ADAMTS18: variants seen among roughly 807,000 people sequenced by gnomAD.
The protein encoded by ADAMTS18 is ADAM metallopeptidase with thrombospondin type 1 motif 18.
Under a neutral mutation model 165.9 loss-of-function variants are expected in ADAMTS18, and 157 were observed. The observed-to-expected ratio is 0.95, with a 90% CI of 0.83 to 1.08. The LOEUF is 1.08. Ranked by LOEUF, ADAMTS18 falls within the 50% of genes least tolerant of loss-of-function variation. The pLI, the probability that ADAMTS18 is intolerant of heterozygous loss-of-function variation, is 0.00. For missense variants in ADAMTS18, 2,040 were observed against 1,534.0 expected (o/e 1.33, Z -5.51); for synonymous variants, 782 against 578.2 (o/e 1.35, Z -5.06).
intron 3 of ADAMTS18, among the ~76,000 whole-genome samples, chr16:77,415,258 G>C (rs2144836744): frequency 6.6e-6 from 1 of 152,286 alleles, no homozygotes; most frequent in East Asian, 1.9e-4. Context: ...ATGAGACTAG[G>C]AGCTCTTTGC....
At chr16:77,421,763 T>C (rs1428709966) in intron 3 of ADAMTS18, among the ~76,000 whole-genome samples, 2 of 152,186 alleles carry the variant, frequency 1.3e-5, no homozygotes, top group Non-Finnish European at 2.9e-5. Flanking sequence ...TCTCTCTCCC[T>C]ACCCTCCTCA....
intron 9 of ADAMTS18, 123 bp downstream of exon 9, chr16:77,355,817 T>C: frequency 8.6e-7 from 1 of 1,165,282 alleles, no homozygotes; most frequent in Non-Finnish European, 1.3e-6. Context: ...TCATCATCAT[T>C]TGTCTTTCTG....
At chr16:77,381,950 G>A (rs987741952) in intron 3 of ADAMTS18, among the ~76,000 whole-genome samples, 1 of 152,158 alleles carries the variant, frequency 6.6e-6, no homozygotes, top group African/African-American at 2.4e-5. Context: ...TCTCTGGAAT[G>A]TGTCCTTACT....
At chr16:77,413,636 G>C (rs2057493029) in intron 3 of ADAMTS18, among the ~76,000 whole-genome samples, 1 of 151,962 alleles carries the variant, frequency 6.6e-6, no homozygotes, top group Non-Finnish European at 1.5e-5. Flanking sequence ...CCTGACCATG[G>C]ATATTTTTAA....
intron 11 of ADAMTS18, among the ~76,000 whole-genome samples, chr16:77,336,865 C>G (rs2056318876): frequency 6.6e-6 from 1 of 152,232 alleles, no homozygotes; most frequent in African/African-American, 2.4e-5. Flanking sequence ...CTTAGCATAA[C>G]TGCTCTTTTC....
chr16:77,304,097 G>A (rs185274406), intron 16 of ADAMTS18, among the ~76,000 whole-genome samples: 1 of 152,160 alleles, frequency 6.6e-6, no homozygotes, highest in East Asian at 1.9e-4. Context: ...GGTGGGGGAG[G>A]AAATCACATT....
At chr16:77,359,215 T>C in intron 8 of ADAMTS18, 103 bp downstream of exon 8, 2 of 989,070 alleles carry the variant, frequency 2.0e-6, no homozygotes, top group Admixed American at 4.0e-5. Context: ...TACACAAGAC[T>C]GATCCTCTTT....
At chr16:77,386,725 T>C (rs959343701) in intron 3 of ADAMTS18, among the ~76,000 whole-genome samples, 1 of 152,172 alleles carries the variant, frequency 6.6e-6, no homozygotes, top group Non-Finnish European at 1.5e-5. Context: ...TTTTTCCTTC[T>C]CTTATAGCTG....
Position 77,359,353 on chromosome 16 carries a change from G to A in ADAMTS18, c.1287C>T (p.Gly429=), listed in dbSNP as rs760681596. The A allele has an allele frequency of 1.2e-6, 2 of 1,614,068 alleles. No individual in the cohort carries two copies. The highest frequency in any genetic ancestry group is 1.7e-6 in the Non-Finnish European group (2 of 1,180,018). Residue 429 remains glycine, a synonymous_variant, in exon 8 of 23, where the codon GGC becomes GGT. Transcript: ENST00000282849. ...SCTINEDTGL[G]LAFTIAHESG... is the part of the protein sequence containing the mutation. ...ACTCATGAGCGATGGTGAAGGCAAG[G>A]CCAAGTCCTGTGTCCTCATTGATGG...
At chr16:77,332,564 G>T (rs2056207194) in intron 12 of ADAMTS18, among the ~76,000 whole-genome samples, 1 of 152,150 alleles carries the variant, frequency 6.6e-6, no homozygotes, top group South Asian at 2.1e-4. Flanking sequence ...AAGCCACAGA[G>T]TTTAGAAGTG....
chr16:77,306,002 G>A (rs1191972572), intron 16 of ADAMTS18, among the ~76,000 whole-genome samples: 2 of 152,146 alleles, frequency 1.3e-5, no homozygotes, highest in Non-Finnish European at 2.9e-5. Flanking sequence ...GGGTACAGGA[G>A]CACCGCATCC....
At chr16:77,384,457 G>A (rs987751144) in intron 3 of ADAMTS18, among the ~76,000 whole-genome samples, 7 of 152,156 alleles carry the variant, frequency 4.6e-5, no homozygotes, top group Non-Finnish European at 1.5e-5. Context: ...AGAAGGTACT[G>A]GCGTGACACT....
chr16:77,366,646 G>A (rs948151842), intron 4 of ADAMTS18, among the ~76,000 whole-genome samples: 17 of 152,184 alleles, frequency 1.1e-4, no homozygotes, highest in Non-Finnish European at 2.5e-4. Context: ...ACTTGAGTAT[G>A]TAAATCTACT....
intron 10 of ADAMTS18, among the ~76,000 whole-genome samples, chr16:77,342,630 A>G (rs1450216904): frequency 6.6e-6 from 1 of 152,192 alleles, no homozygotes. Context: ...ATATGTAGAC[A>G]ATTTAACTCT....
Position 77,367,499 on chromosome 16 carries a change from C to A in ADAMTS18, c.720G>T (p.Glu240Asp). Residue 240 changes from glutamate to aspartate, a missense_variant, in exon 4 of 23, where the codon GAG becomes GAT. Coordinates refer to ENST00000282849, the MANE Select transcript of ADAMTS18 (RefSeq NM_199355.4). ...GCAACCTTCGATGGTGATACTCTGTCTCTCGACTCTGAGATGCATGGGGAA... is the reference window on the plus strand; with the variant it reads ...GCAACCTTCGATGGTGATACTCTGTATCTCGACTCTGAGATGCATGGGGAA... ...SHIPHASQSR[E>D]TEYHHRRLQK... The A allele has an allele frequency of 6.2e-7, 1 of 1,614,222 alleles. No homozygotes were observed. Among genetic ancestry groups the A allele is most frequent in the Non-Finnish European group, 8.5e-7 (1 of 1,180,032 alleles).
chr16:77,424,043 T>A (rs1170317555), intron 3 of ADAMTS18, among the ~76,000 whole-genome samples: 1 of 152,064 alleles, frequency 6.6e-6, no homozygotes, highest in Non-Finnish European at 1.5e-5. Context: ...ATCTTCACAA[T>A]CTTATGAGAG....
chr16:77,372,316 C>G (rs1191776626), intron 3 of ADAMTS18, among the ~76,000 whole-genome samples: 1 of 152,204 alleles, frequency 6.6e-6, no homozygotes, highest in Non-Finnish European at 1.5e-5. Context: ...TATCTGCACT[C>G]CAGTGTTTAT....
At chr16:77,353,064 AGT>A (rs1283955653) in intron 10 of ADAMTS18, among the ~76,000 whole-genome samples, 4 of 151,882 alleles carry the variant, frequency 2.6e-5, no homozygotes, top group African/African-American at 7.3e-5. Flanking sequence ...TGGGCAACAC[AGT>A]GAGACTCTGT....
chr16:77,430,787 C>G (rs1248621194), intron 3 of ADAMTS18, among the ~76,000 whole-genome samples: 1 of 152,166 alleles, frequency 6.6e-6, no homozygotes, highest in East Asian at 1.9e-4. Flanking sequence ...ACACAGCACC[C>G]CACATTCTAA....
Sources: allele counts gnomAD v4.1 joint callset (sites outside exome capture counted in the v4.1 genomes callset), GRCh38; gene constraint gnomAD v4.1.1; transcripts MANE v1.5; gene names NCBI Gene and HGNC (gene_info 2026-07-23, HGNC 2026-07-21).